RASSF3: variants seen among roughly 807,000 people sequenced by gnomAD.
RASSF3 encodes the protein Ras association domain family member 3.
Under a neutral mutation model 19.9 loss-of-function variants are expected in RASSF3, and 19 were observed. The observed-to-expected ratio is 0.96, with a 90% CI of 0.67 to 1.40. The LOEUF (loss-of-function observed/expected upper bound fraction) is 1.40. RASSF3 is among the 40% of genes most tolerant of loss of function. The probability of loss-of-function intolerance (pLI) is 0.00; values close to 1 mark genes in which losing one functional copy is unlikely to be tolerated. For synonymous variants in RASSF3, 110 were observed against 104.2 expected (o/e 1.06, Z -0.34); for missense variants, 306 against 289.8 (o/e 1.06, Z -0.41).
chr12:64,667,358 G>T (rs993183137), intron 1 of RASSF3, among the ~76,000 whole-genome samples: 2 of 151,890 alleles, frequency 1.3e-5, no homozygotes, highest in Non-Finnish European at 2.9e-5. Flanking sequence ...ACAGAGTCTC[G>T]CTCTGTCACC....
intron 2 of RASSF3, among the ~76,000 whole-genome samples, chr12:64,566,332 T>A (rs890636004): frequency 1.3e-5 from 2 of 152,246 alleles, no homozygotes; most frequent in East Asian, 1.9e-4. Flanking sequence ...TTACATTTTT[T>A]AATTTTACCA....
chr12:64,519,793 T>C (rs1429319231), intron 1 of RASSF3, among the ~76,000 whole-genome samples: 1 of 152,150 alleles, frequency 6.6e-6, no homozygotes, highest in Admixed American at 6.6e-5. Context: ...TAAACACGTA[T>C]ATATGTGTTT....
intron 1 of RASSF3, chr12:64,622,721 A>T (rs1205013452): frequency 7.6e-6 from 2 of 262,350 alleles, no homozygotes; most frequent in East Asian, 1.5e-4. Flanking sequence ...TTTTAAAAAG[A>T]TGTGAAGAGT....
chr12:64,564,674 G>A (rs936300459), intron 2 of RASSF3, among the ~76,000 whole-genome samples: 44 of 151,826 alleles, frequency 2.9e-4, no homozygotes, highest in Non-Finnish European at 1.6e-4. Context: ...GAGCCACTGC[G>A]CCCAGCCCTC....
intron 1 of RASSF3, among the ~76,000 whole-genome samples, chr12:64,658,313 T>C (rs2136196020): frequency 6.6e-6 from 1 of 152,284 alleles, no homozygotes; most frequent in East Asian, 1.9e-4. Flanking sequence ...AGGAACTGTG[T>C]GCTTTTGGTG....
intron 1 of RASSF3, among the ~76,000 whole-genome samples, chr12:64,674,182 C>T (rs1304900103): frequency 6.6e-6 from 1 of 152,158 alleles, no homozygotes; most frequent in East Asian, 1.9e-4. Context: ...AACAGAAGTA[C>T]ATCAAACTTT....
At position 64,677,600 on chromosome 12, in the gene RASSF3, A is replaced by C. The variant is rs142753942; in HGVS notation, c.112-7187A>C. ...ACTCTGCTTACTTTAATATCTTAGA[A>C]GTTTTGGTACTGAAAGTGAAGAACA... On this transcript the variant is annotated intron_variant, in intron 1 of 4. Transcript: ENST00000542104. 2.7e-3 allele frequency among the ~76,000 whole-genome samples: 417 copies of C among 152,238 alleles called. 1 individual carries two copies. Among genetic ancestry groups the C allele is most frequent in the African/African-American group, 9.6e-3 (397 of 41,538 alleles).
downstream of RASSF3, among the ~76,000 whole-genome samples, chr12:64,542,195 G>C (rs1307301058): frequency 1.3e-5 from 2 of 152,074 alleles, no homozygotes; most frequent in African/African-American, 4.8e-5. Context: ...ATGTGCCTGT[G>C]GTTCCAGCTA....
At chr12:64,558,346 T>C (rs1869287634) in intron 2 of RASSF3, among the ~76,000 whole-genome samples, 1 of 152,220 alleles carries the variant, frequency 6.6e-6, no homozygotes, top group Non-Finnish European at 1.5e-5. Flanking sequence ...CCTACTTGGT[T>C]GATCGGTACC....
chr12:64,632,758 A>C (rs1009055724), intron 1 of RASSF3, among the ~76,000 whole-genome samples: 4 of 152,146 alleles, frequency 2.6e-5, no homozygotes, highest in African/African-American at 9.7e-5. Flanking sequence ...AGCCAGAATT[A>C]AGGGTCTGAA....
chr12:64,617,496 G>C (rs561169972), intron 1 of RASSF3, among the ~76,000 whole-genome samples: 2 of 152,260 alleles, frequency 1.3e-5, no homozygotes, highest in South Asian at 4.1e-4. Flanking sequence ...GTGTATTTGA[G>C]GAAACTTTGA....
chr12:64,626,008 C>T (rs1870977300), intron 1 of RASSF3, among the ~76,000 whole-genome samples: 1 of 152,090 alleles, frequency 6.6e-6, no homozygotes, highest in African/African-American at 2.4e-5. Context: ...TCTCTCCACC[C>T]CCAACCTCCC....
chr12:64,593,766 A>AG (rs1468490364), intron 2 of RASSF3, among the ~76,000 whole-genome samples: 1 of 151,934 alleles, frequency 6.6e-6, no homozygotes, highest in Non-Finnish European at 1.5e-5. Context: ...TTTTATTTGA[A>AG]GGGTCATGGG....
intron 1 of RASSF3, among the ~76,000 whole-genome samples, chr12:64,612,943 T>C (rs996830815): frequency 7.2e-5 from 11 of 152,212 alleles, no homozygotes; most frequent in Non-Finnish European, 1.5e-4. Context: ...TTGAAGAGCT[T>C]CATATGTGTA....
upstream of RASSF3, among the ~76,000 whole-genome samples, chr12:64,605,697 C>T (rs532911600): frequency 8.5e-5 from 13 of 152,068 alleles, no homozygotes; most frequent in African/African-American, 2.9e-4. Context: ...CAAGACCAGC[C>T]TGACCAAGAT....
At chr12:64,610,045 G>A (rs1323062539), upstream of RASSF3, among the ~76,000 whole-genome samples, 1 of 152,146 alleles carries the variant, frequency 6.6e-6, no homozygotes, top group African/African-American at 2.4e-5. Context: ...TGGGACCTGG[G>A]GGGTCCCTCG....
chr12:64,683,823 A>C (rs1873225724), intron 1 of RASSF3, among the ~76,000 whole-genome samples: 1 of 152,220 alleles, frequency 6.6e-6, no homozygotes, highest in African/African-American at 2.4e-5. Context: ...ACAGTTTTGC[A>C]GAATATATTG....
At chr12:64,669,068 GT>G (rs1238628253) in intron 1 of RASSF3, among the ~76,000 whole-genome samples, 1 of 152,144 alleles carries the variant, frequency 6.6e-6, no homozygotes, top group African/African-American at 2.4e-5. Flanking sequence ...AAAAACTTGG[GT>G]TACACCTGGG....
At chr12:64,659,801 A>G (rs1179767273) in intron 1 of RASSF3, among the ~76,000 whole-genome samples, 1 of 151,982 alleles carries the variant, frequency 6.6e-6, no homozygotes, top group Non-Finnish European at 1.5e-5. Flanking sequence ...TACAAAAATT[A>G]GCTGGATGTG....
Sources: allele counts gnomAD v4.1 joint callset (sites outside exome capture counted in the v4.1 genomes callset), GRCh38; gene constraint gnomAD v4.1.1; transcripts MANE v1.5; gene names NCBI Gene and HGNC (gene_info 2026-07-23, HGNC 2026-07-21).